Variants in LINGO2 observed in about 807,000 individuals in gnomAD.
LINGO2 encodes the protein leucine-rich repeat and immunoglobulin-like domain-containing nogo receptor-interacting protein 2.
LINGO2 carries 14 observed loss-of-function variants against 30.6 expected under a neutral mutation model. The ratio of observed to expected loss-of-function variants is 0.46; its 90% CI spans 0.30 to 0.72. LINGO2 has a LOEUF of 0.72. Among genes scored for constraint, LINGO2 ranks in the 30% least tolerant of loss-of-function variants. The probability of loss-of-function intolerance (pLI) is 0.07; values close to 1 mark genes in which losing one functional copy is unlikely to be tolerated. For missense variants in LINGO2, 729 were observed against 751.7 expected (o/e 0.97, Z 0.35); for synonymous variants, 317 against 288.5 (o/e 1.10, Z -1.00).
chr9:29,156,923 A>G, the LINGO2 span, among the ~76,000 whole-genome samples: 337 of 152,174 alleles, frequency 2.2e-3, 1 homozygote, highest in African/African-American at 7.7e-3. Context: ...CCTAGAATCT[A>G]TGATTTACTC....
chr9:28,438,849 T>TATATATATATAA (rs1402382742), intron 2 of LINGO2, among the ~76,000 whole-genome samples: 1 of 144,348 alleles, frequency 6.9e-6, no homozygotes, highest in African/African-American at 2.5e-5. Flanking sequence ...TATATATATA[T>TATATATATATAA]AATGAGATAT....
chr9:28,515,132 C>G (rs1310681492), intron 1 of LINGO2, among the ~76,000 whole-genome samples: 1 of 151,972 alleles, frequency 6.6e-6, no homozygotes, highest in Non-Finnish European at 1.5e-5. Flanking sequence ...TGCCTGCAGA[C>G]ACAACATCCA....
the LINGO2 span, among the ~76,000 whole-genome samples, chr9:29,004,002 C>T: frequency 2.1e-3 from 317 of 152,140 alleles, 3 homozygotes; most frequent in African/African-American, 7.2e-3. Context: ...ACTTTCTTCC[C>T]TTTCGTATCC....
At chr9:28,941,394 G>A in the LINGO2 span, among the ~76,000 whole-genome samples, 1 of 152,138 alleles carries the variant, frequency 6.6e-6, no homozygotes, top group Admixed American at 6.6e-5. Flanking sequence ...CTGTGAAACA[G>A]CTTGGGGCAG....
chr9:28,085,990 T>C (rs1251890985), intron 4 of LINGO2, among the ~76,000 whole-genome samples: 1 of 152,060 alleles, frequency 6.6e-6, no homozygotes, highest in African/African-American at 2.4e-5. Flanking sequence ...ATGGGTAGTA[T>C]GTTTATATTA....
chr9:28,445,055 G>T (rs1460119912), intron 2 of LINGO2, among the ~76,000 whole-genome samples: 1 of 152,190 alleles, frequency 6.6e-6, no homozygotes, highest in African/African-American at 2.4e-5. Flanking sequence ...AAGTAATTTA[G>T]CCAAAGTCAC....
At chr9:29,058,735 C>A in the LINGO2 span, among the ~76,000 whole-genome samples, 5 of 151,362 alleles carry the variant, frequency 3.3e-5, no homozygotes, top group African/African-American at 9.7e-5. Context: ...AAATGAAAAC[C>A]AAATACAGGG....
rs74856851 is a variant in LINGO2 at position 28,100,902 on chromosome 9, G to A, written c.-86-88497C>T. On this transcript the variant is annotated intron_variant, in intron 4 of 5. Coordinates refer to ENST00000379992, the Ensembl canonical transcript of LINGO2. ...ATGTTTGCTCTTATTCGCCACCCAC[G>A]AAAACTACATTTTGGCAGTGTATTT... Among the ~76,000 whole-genome samples the A allele has an allele frequency of 1.5e-3, 225 of 152,148 alleles. 4 individuals are homozygous for A. The East Asian group carries it at 0.036, about 24-fold the overall frequency.
chr9:29,017,261 A>G, the LINGO2 span, among the ~76,000 whole-genome samples: 1 of 152,052 alleles, frequency 6.6e-6, no homozygotes, highest in African/African-American at 2.4e-5. Flanking sequence ...TCCAGAGAAA[A>G]TCCATATAAA....
At chr9:28,043,091 G>T (rs1275858284) in intron 4 of LINGO2, among the ~76,000 whole-genome samples, 1 of 152,222 alleles carries the variant, frequency 6.6e-6, no homozygotes, top group Non-Finnish European at 1.5e-5. Context: ...TAAGCCCCTG[G>T]TGTTAATGAG....
At chr9:28,348,641 C>A (rs1445517127) in intron 3 of LINGO2, among the ~76,000 whole-genome samples, 1 of 152,072 alleles carries the variant, frequency 6.6e-6, no homozygotes, top group Non-Finnish European at 1.5e-5. Context: ...CTGGGTGGAG[C>A]CCACCACAGC....
At chr9:27,983,927 C>T (rs1821003395) in intron 5 of LINGO2, among the ~76,000 whole-genome samples, 1 of 151,822 alleles carries the variant, frequency 6.6e-6, no homozygotes, top group South Asian at 2.1e-4. Flanking sequence ...TTCTTGTCCT[C>T]CAAGATGGGC....
chr9:28,261,721 G>T (rs1353649261), intron 4 of LINGO2, among the ~76,000 whole-genome samples: 3 of 151,834 alleles, frequency 2.0e-5, no homozygotes, highest in Non-Finnish European at 4.4e-5. Flanking sequence ...TATTCAAGAA[G>T]AGAACCATGC....
the LINGO2 span, among the ~76,000 whole-genome samples, chr9:28,722,296 C>A: frequency 6.6e-6 from 1 of 152,192 alleles, no homozygotes; most frequent in South Asian, 2.1e-4. Context: ...CTTTGGGATA[C>A]TGAAAACAGG....
chr9:28,211,527 A>G (rs1820591184), intron 4 of LINGO2, among the ~76,000 whole-genome samples: 1 of 151,230 alleles, frequency 6.6e-6, no homozygotes, highest in South Asian at 2.1e-4. Context: ...ATTCTAAGGA[A>G]GAAGGAGCTG....
the LINGO2 span, among the ~76,000 whole-genome samples, chr9:28,794,327 A>AAC: frequency 9.9e-5 from 15 of 152,048 alleles, no homozygotes; most frequent in African/African-American, 3.4e-4. Context: ...ACAAAACCAA[A>AAC]ACACACACAC....
chr9:28,594,407 G>A lies in LINGO2; in HGVS notation c.-365+75793C>T, dbSNP rs114508348. ...CATTGCCTTCAAATCTTCACATTTG[G>A]TTTAGAGATTCTTTCTTGCTTTAAT... On this transcript the variant is annotated intron_variant, in intron 1 of 5. Coordinates refer to ENST00000379992, the Ensembl canonical transcript of LINGO2. Among the ~76,000 whole-genome samples the A allele has an allele frequency of 4.0e-3, 611 of 152,140 alleles. 10 individuals are homozygous for A. The highest frequency in any genetic ancestry group is 0.014 in the African/African-American group (564 of 41,536).
intron 3 of LINGO2, among the ~76,000 whole-genome samples, chr9:28,354,058 C>G (rs935929016): frequency 6.6e-6 from 1 of 151,820 alleles, no homozygotes; most frequent in African/African-American, 2.4e-5. Context: ...TGCTAGATGA[C>G]GAGTTAGTGG....
At chr9:28,424,376 A>G (rs1011995226) in intron 2 of LINGO2, among the ~76,000 whole-genome samples, 1 of 152,138 alleles carries the variant, frequency 6.6e-6, no homozygotes, top group Non-Finnish European at 1.5e-5. Context: ...GAGAATAGAC[A>G]AAATGTGGGA....
Sources: allele counts gnomAD v4.1 joint callset (sites outside exome capture counted in the v4.1 genomes callset), GRCh38; gene constraint gnomAD v4.1.1; transcripts MANE v1.5; gene names NCBI Gene and HGNC (gene_info 2026-07-23, HGNC 2026-07-21).